LYPD6B: variants seen among roughly 807,000 people sequenced by gnomAD.
LYPD6B encodes LY6/PLAUR domain containing 6B.
A neutral mutation model predicts 22.8 loss-of-function variants in LYPD6B; 17 were observed. The ratio of observed to expected loss-of-function variants is 0.75; its 90% CI spans 0.51 to 1.12. The LOEUF (loss-of-function observed/expected upper bound fraction) is 1.12. Ranked by LOEUF, LYPD6B falls within the 50% of genes most tolerant of loss-of-function variation. The probability of loss-of-function intolerance (pLI) is 0.00; values close to 1 mark genes in which losing one functional copy is unlikely to be tolerated. For synonymous variants in LYPD6B, 106 were observed against 91.6 expected, an observed-to-expected ratio of 1.16 and a Z score of -0.90; for missense variants, 221 against 258.3, an observed-to-expected ratio of 0.86 and a Z score of 0.99.
intron 3 of LYPD6B, among the ~76,000 whole-genome samples, chr2:149,181,555 C>T (rs1691723835): frequency 1.3e-5 from 2 of 152,204 alleles, no homozygotes; most frequent in African/African-American, 4.8e-5. Context: ...CCATCTAGCA[C>T]AGGAGAACAC....
At chr2:149,142,475 C>G (rs577589272) in intron 2 of LYPD6B, among the ~76,000 whole-genome samples, 3 of 151,992 alleles carry the variant, frequency 2.0e-5, no homozygotes, top group African/African-American at 4.8e-5. Context: ...GCCTGGGATA[C>G]GAGTGAAAGA....
chr2:149,098,876 G>A (rs1425809131), intron 1 of LYPD6B, among the ~76,000 whole-genome samples: 4 of 151,258 alleles, frequency 2.6e-5, no homozygotes, highest in African/African-American at 9.7e-5. Context: ...GCTCCCAAAT[G>A]CCTTTCCCAC....
intron 1 of LYPD6B, among the ~76,000 whole-genome samples, chr2:149,080,422 A>G (rs73015023): frequency 0.023 from 3,520 of 152,298 alleles, 131 homozygotes; most frequent in African/African-American, 0.081. Flanking sequence ...TATAACATGT[A>G]CATTTTGTGG....
intron 2 of LYPD6B, among the ~76,000 whole-genome samples, chr2:149,146,577 T>C (rs988743944): frequency 2.0e-5 from 3 of 152,172 alleles, no homozygotes; most frequent in African/African-American, 4.8e-5. Context: ...GATGCATTTA[T>C]GTAGATAAGT....
intron 2 of LYPD6B, among the ~76,000 whole-genome samples, chr2:149,144,298 G>A (rs1345197179): frequency 7.8e-6 from 1 of 128,368 alleles, no homozygotes; most frequent in African/African-American, 2.7e-5. Flanking sequence ...ATGGGGGTGG[G>A]GTCTTTGGGC....
chr2:149,053,820 A>T (rs747977695), intron 1 of LYPD6B, among the ~76,000 whole-genome samples: 25 of 152,140 alleles, frequency 1.6e-4, no homozygotes, highest in Non-Finnish European at 3.7e-4. Context: ...TGGACATTTC[A>T]TATAGATAGA....
In LYPD6B at chr2:149,090,654, TA is replaced by T. The variant is rs754348257; in HGVS notation, c.-66-40220del. ...TATTTTGAATGAATGCCACTTTTCT[TA>T]AAAAAAAACCTCAGACTCCTAGGGG... On this transcript the variant is annotated intron_variant, in intron 1 of 6. Coordinates refer to ENST00000409642, the MANE Select transcript of LYPD6B (RefSeq NM_177964.5). Among the ~76,000 whole-genome samples the T allele has an allele frequency of 5.3e-5, 8 of 151,280 alleles. No homozygotes were observed. In the Middle Eastern group the frequency reaches 0.01, roughly 193 times the overall value.
In LYPD6B at chr2:149,214,827, AC is replaced by A. The variant is rs1694093106; in HGVS notation, c.*119del. 5 of 1,077,316 alleles carry A rather than the reference AC, an allele frequency of 4.6e-6. No homozygotes were observed. The highest frequency in any genetic ancestry group is 7.0e-6 in the Non-Finnish European group (5 of 718,458). The allele number at this position is 1,077,316 out of a possible 1,614,324, so 66.7% of individuals were successfully genotyped here. A position where few individuals can be genotyped will look rare whatever the true frequency, so the allele number is the denominator to read the frequency against. ...GCACTTGGTGAAGAGTGCACATTGG[AC>A]CTCAAGGCGAAAGCCAGTGGTTTGC... On this transcript the variant is annotated 3_prime_UTR_variant, in exon 7 of 7. Transcript: ENST00000409642.
chr2:149,135,625 C>T (rs1445884869), intron 2 of LYPD6B, among the ~76,000 whole-genome samples: 2 of 141,928 alleles, frequency 1.4e-5, no homozygotes, highest in East Asian at 4.3e-4. Context: ...GAGGCTGAGG[C>T]AGGAGAATCG....
intron 1 of LYPD6B, among the ~76,000 whole-genome samples, chr2:149,109,857 G>T (rs1313051823): frequency 2.0e-5 from 3 of 150,332 alleles, no homozygotes; most frequent in Non-Finnish European, 3.0e-5. Context: ...GATTACAGCT[G>T]CATGCCACCA....
At chr2:149,115,098 C>T in intron 1 of LYPD6B, among the ~76,000 whole-genome samples, 1 of 152,116 alleles carries the variant, frequency 6.6e-6, no homozygotes, top group Non-Finnish European at 1.5e-5. Flanking sequence ...GCCACTACAT[C>T]CAGCTAATTT....
At position 149,189,313 on chromosome 2, in the gene LYPD6B, T is replaced by C. The variant is rs184006925; in HGVS notation, c.78-15940T>C. ...AAAACAATATGGGCTAATGAGGGTATAAAAACAATTTTTTTGATTTGTCCA... is the reference window on the plus strand; with the variant it reads ...AAAACAATATGGGCTAATGAGGGTACAAAAACAATTTTTTTGATTTGTCCA... On this transcript the variant is annotated intron_variant, in intron 3 of 6. Coordinates refer to ENST00000409642, the MANE Select transcript of LYPD6B (RefSeq NM_177964.5). Among the ~76,000 whole-genome samples, 204 of 142,276 alleles carry C rather than the reference T, an allele frequency of 1.4e-3. 2 individuals are homozygous for C. Among genetic ancestry groups the C allele is most frequent in the Non-Finnish European group, 2.7e-4 (18 of 65,652 alleles). The allele number at this position is 142,276 out of a possible 152,430, so 93.3% of individuals were successfully genotyped here. A position where few individuals can be genotyped will look rare whatever the true frequency, so the allele number is the denominator to read the frequency against.
chr2:149,175,417 G>A lies in LYPD6B; in HGVS notation c.77+14582G>A, dbSNP rs552959416. 6.6e-5 allele frequency among the ~76,000 whole-genome samples: 10 copies of A among 152,270 alleles called. No homozygotes were observed. In the South Asian group the frequency reaches 1.9e-3, roughly 28 times the overall value. ...GCATTTACCATGAATAGAACTTGCA[G>A]GACTGGAAGTTGCTCTGGGTGAGTG... On this transcript the variant is annotated intron_variant, in intron 3 of 6. Coordinates refer to ENST00000409642, the MANE Select transcript of LYPD6B (RefSeq NM_177964.5).
intron 3 of LYPD6B, chr2:149,200,633 T>C (rs916837376): frequency 6.6e-6 from 1 of 152,308 alleles, no homozygotes; most frequent in African/African-American, 2.4e-5. Flanking sequence ...AAGTGTAAAA[T>C]GCCACACGTT....
chr2:149,110,317 A>G (rs1686697173), intron 1 of LYPD6B, among the ~76,000 whole-genome samples: 1 of 150,450 alleles, frequency 6.6e-6, no homozygotes. Flanking sequence ...GTTTTGATTC[A>G]TTTTCTCTTT....
At chr2:149,100,402 T>A (rs1209756364) in intron 1 of LYPD6B, among the ~76,000 whole-genome samples, 2 of 130,062 alleles carry the variant, frequency 1.5e-5, no homozygotes, top group East Asian at 4.4e-4. Flanking sequence ...TAGGTTGGTA[T>A]CCTTTGGCTT....
chr2:149,134,653 T>A (rs1413460777), intron 2 of LYPD6B, among the ~76,000 whole-genome samples: 1 of 152,188 alleles, frequency 6.6e-6, no homozygotes, highest in Non-Finnish European at 1.5e-5. Context: ...TCACAGTATA[T>A]GATGTGGCAG....
chr2:149,054,055 T>C (rs754723981), intron 1 of LYPD6B, among the ~76,000 whole-genome samples: 1 of 152,266 alleles, frequency 6.6e-6, no homozygotes, highest in Non-Finnish European at 1.5e-5. Context: ...ATAATGCTTC[T>C]GTAAGCATTC....
intron 2 of LYPD6B, chr2:149,131,234 G>T: frequency 2.5e-6 from 1 of 393,386 alleles, no homozygotes; most frequent in Non-Finnish European, 4.5e-6. Flanking sequence ...TGCAATTGTG[G>T]ATTCATTTCA....
Sources: gnomAD v4.1 joint callset for allele counts (sites outside exome capture counted in the v4.1 genomes callset) on GRCh38, gnomAD v4.1.1 for gene constraint, MANE v1.5 for transcripts, NCBI Gene and HGNC (gene_info 2026-07-23, HGNC 2026-07-21) for gene names.